Variants in ZNF782 observed in about 807,000 individuals in gnomAD.
The protein encoded by ZNF782 is zinc finger protein 782.
ZNF782 carries 12 observed loss-of-function variants against 13.0 expected under a neutral mutation model. That is an observed-to-expected ratio of 0.92 (90% CI 0.59 to 1.50). The LOEUF is 1.50. ZNF782 is among the 40% of genes most tolerant of loss of function. ZNF782 has a pLI of 0.00. For missense variants in ZNF782, 770 were observed against 822.9 expected, an observed-to-expected ratio of 0.94 and a Z score of 0.79; for synonymous variants, 284 against 283.0, an observed-to-expected ratio of 1.00 and a Z score of -0.04.
the ZNF782 span, chr9:96,933,509 T>TA: frequency 1.3e-5 from 2 of 151,950 alleles, no homozygotes; most frequent in Non-Finnish European, 2.9e-5. Flanking sequence ...TACCTGGGAT[T>TA]ACAGGTGCCC....
chr9:96,878,744 T>C (rs1381104416), upstream of ZNF782, among the ~76,000 whole-genome samples: 4 of 152,358 alleles, frequency 2.6e-5, no homozygotes, highest in East Asian at 3.9e-4. Flanking sequence ...ATGTGGCAAA[T>C]AGCATTGTTC....
At chr9:96,843,669 T>C (rs1472759028) in intron 4 of ZNF782, among the ~76,000 whole-genome samples, 1 of 152,196 alleles carries the variant, frequency 6.6e-6, no homozygotes, top group Non-Finnish European at 1.5e-5. Context: ...TGTACCAGTG[T>C]CTATTTACTG....
the ZNF782 span, among the ~76,000 whole-genome samples, chr9:96,930,923 C>A: frequency 1.1e-5 from 1 of 94,360 alleles, no homozygotes; most frequent in South Asian, 3.9e-4. Context: ...GAGACGGAGT[C>A]TCGCTCTGTC....
upstream of ZNF782, among the ~76,000 whole-genome samples, chr9:96,855,773 G>A (rs545820099): frequency 1.3e-5 from 2 of 152,218 alleles, no homozygotes; most frequent in Non-Finnish European, 2.9e-5. Context: ...TAGATACCCA[G>A]TAGTGGGATT....
At chr9:96,829,499 T>C (rs2118496854) in intron 4 of ZNF782, among the ~76,000 whole-genome samples, 1 of 152,238 alleles carries the variant, frequency 6.6e-6, no homozygotes, top group East Asian at 1.9e-4. Context: ...ACTGGAAGAA[T>C]AACCAAATCC....
chr9:96,897,114 C>G, the ZNF782 span, among the ~76,000 whole-genome samples: 12,154 of 152,236 alleles, frequency 0.08, 1,464 homozygotes, highest in African/African-American at 0.27. Context: ...TCTGTATCCT[C>G]TGTGTGGAGC....
intron 3 of ZNF782, among the ~76,000 whole-genome samples, chr9:96,860,011 C>T (rs898333410): frequency 2.0e-5 from 3 of 151,980 alleles, no homozygotes; most frequent in African/African-American, 4.8e-5. Context: ...GTGATGACGT[C>T]GTAGGTGGGA....
chr9:96,839,276 A>ATT (rs1851111944), intron 4 of ZNF782, among the ~76,000 whole-genome samples: 1 of 100,022 alleles, frequency 1.0e-5, no homozygotes, highest in Non-Finnish European at 2.0e-5. Context: ...TTTACTTGGG[A>ATT]CTTTTTTTTT....
chr9:96,843,171 C>A (rs931846335), intron 4 of ZNF782, among the ~76,000 whole-genome samples: 1 of 152,104 alleles, frequency 6.6e-6, no homozygotes, highest in African/African-American at 2.4e-5. Context: ...ACTTACCATA[C>A]AATCCAACAA....
At chr9:96,896,571 A>T in the ZNF782 span, among the ~76,000 whole-genome samples, 109 of 152,320 alleles carry the variant, frequency 7.2e-4, no homozygotes, top group Non-Finnish European at 1.5e-3. Flanking sequence ...AAGTTGTTGC[A>T]TCTAGCCCCT....
the ZNF782 span, chr9:96,895,058 A>T: frequency 2.0e-5 from 3 of 152,160 alleles, no homozygotes; most frequent in Non-Finnish European, 2.9e-5. Flanking sequence ...ATGAGAAATA[A>T]ATTTGTGAGG....
At chr9:96,888,890 C>G in the ZNF782 span, 1 of 152,250 alleles carries the variant, frequency 6.6e-6, no homozygotes, top group Non-Finnish European at 1.5e-5. Flanking sequence ...GATCCCACAA[C>G]TGGGGAACAC....
the ZNF782 span, among the ~76,000 whole-genome samples, chr9:96,919,624 T>C: frequency 7.0e-6 from 1 of 142,218 alleles, no homozygotes; most frequent in African/African-American, 2.6e-5. Flanking sequence ...AGTGCAGTGG[T>C]GCAATCTTGG....
At chr9:96,880,405 C>T (rs58449841), upstream of ZNF782, among the ~76,000 whole-genome samples, 2,241 of 152,244 alleles carry the variant, frequency 0.015, 53 homozygotes, top group African/African-American at 0.051. Context: ...AAGTGTGATG[C>T]TAGCTTTAGT....
intron 4 of ZNF782, among the ~76,000 whole-genome samples, chr9:96,830,783 C>T (rs1021530297): frequency 1.3e-5 from 2 of 152,084 alleles, no homozygotes; most frequent in African/African-American, 4.8e-5. Context: ...TTAAAAATAT[C>T]TGATAAAGAC....
the ZNF782 span, among the ~76,000 whole-genome samples, chr9:96,925,637 A>C: frequency 3.3e-5 from 5 of 151,758 alleles, no homozygotes; most frequent in African/African-American, 1.2e-4. Flanking sequence ...TCAAAAAAAA[A>C]AAAAAAAAAA....
the ZNF782 span, among the ~76,000 whole-genome samples, chr9:96,900,478 G>A: frequency 2.0e-5 from 3 of 152,116 alleles, no homozygotes; most frequent in Non-Finnish European, 4.4e-5. Flanking sequence ...AATGGCTCAC[G>A]CCTGTAATCC....
Position 96,818,411 on chromosome 9 carries a change from GA to G in ZNF782, c.1611del (p.Gln538SerfsTer96). 1 of 1,612,902 alleles carries G rather than the reference GA, an allele frequency of 6.2e-7. No individual in the cohort carries two copies. On this transcript the variant is annotated frameshift_variant, in exon 6 of 6. Transcript: ENST00000481138. LOFTEE classifies it low-confidence loss of function (END_TRUNC). ...TTCTGACCGAAAGCTTTTCCACACT[GA>G]TTACATTTGTAGGGCTTCTCCCCTG... The part of the protein sequence containing the change: ...THTGEKPYKC[N>X]QCGKAFGQKS...
In ZNF782 at chr9:96,817,649, G is replaced by C. The variant is rs746863394; in HGVS notation, c.*274C>G. 1 of 299,654 alleles carries C rather than the reference G, an allele frequency of 3.3e-6. No homozygotes were observed. Among genetic ancestry groups the C allele is most frequent in the Non-Finnish European group, 6.1e-6 (1 of 164,342 alleles). The allele number at this position is 299,654 out of a possible 1,614,324, so 18.6% of individuals were successfully genotyped here. A position where few individuals can be genotyped will look rare whatever the true frequency, so the allele number is the denominator to read the frequency against. The stretch of plus-strand genomic sequence containing the variant: ...CGTGAGTTTTCTGAGGAGTGAGTTC[G>C]CAAGAGTATTTTCCATATTCATTAT... On this transcript the variant is annotated 3_prime_UTR_variant, in exon 6 of 6. Coordinates refer to ENST00000481138, the MANE Select transcript of ZNF782 (RefSeq NM_001001662.3).
Sources: gnomAD v4.1 joint callset for allele counts (sites outside exome capture counted in the v4.1 genomes callset) on GRCh38, gnomAD v4.1.1 for gene constraint, MANE v1.5 for transcripts, NCBI Gene and HGNC (gene_info 2026-07-23, HGNC 2026-07-21) for gene names.